Variants in PRRG1 observed in about 807,000 individuals in gnomAD.
PRRG1 encodes proline rich and Gla domain 1.
Under a neutral mutation model 11.8 loss-of-function variants are expected in PRRG1, and 5 were observed. That is an observed-to-expected ratio of 0.42 (90% CI 0.22 to 0.89). The LOEUF (loss-of-function observed/expected upper bound fraction) is 0.89. PRRG1 is among the 40% of genes least tolerant of loss of function. The probability of loss-of-function intolerance (pLI) is 0.28; values close to 1 mark genes in which losing one functional copy is unlikely to be tolerated. For missense variants in PRRG1, 155 were observed against 166.1 expected (o/e 0.93, Z 0.37); for synonymous variants, 66 against 60.4 (o/e 1.09, Z -0.43).
intron 3 of PRRG1, chrX:37,441,443 G>T (rs113541265): frequency 4.0e-6 from 3 of 752,602 alleles, no homozygotes; most frequent in Non-Finnish European, 4.7e-6. Flanking sequence ...GGCCCTTTCC[G>T]CCATTAGCCA....
chrX:37,349,470 G>GT (rs1252053515), intron 1 of PRRG1, 75 bp downstream of exon 1: 1 of 112,687 alleles, frequency 8.9e-6, no homozygotes, highest in Non-Finnish European at 1.9e-5. Context: ...AAGGATTGGG[G>GT]TGTGTGGGGG....
chrX:37,391,055 C>T (rs891370518), intron 1 of PRRG1, among the ~76,000 whole-genome samples: 2 of 111,912 alleles, frequency 1.8e-5, no homozygotes, highest in Non-Finnish European at 3.8e-5. Flanking sequence ...AAAAATGCTC[C>T]TTCATTTTTA....
At chrX:37,403,037 G>A (rs1313032089) in intron 1 of PRRG1, among the ~76,000 whole-genome samples, 1 of 110,287 alleles carries the variant, frequency 9.1e-6, no homozygotes, top group African/African-American at 3.3e-5. Context: ...TGGTGGGACT[G>A]TAAACTAGTT....
chrX:37,430,824 A>G (rs868927150), intron 3 of PRRG1, among the ~76,000 whole-genome samples: 3 of 111,412 alleles, frequency 2.7e-5, no homozygotes, highest in Non-Finnish European at 5.7e-5. Context: ...GATTTGTGTA[A>G]CCATCACTGC....
intron 1 of PRRG1, among the ~76,000 whole-genome samples, chrX:37,402,964 A>C (rs1261489304): frequency 9.9e-5 from 11 of 111,588 alleles, no homozygotes; most frequent in Admixed American, 2.8e-4. Flanking sequence ...GGCAATCATT[A>C]AAAAGTCAGG....
At chrX:37,376,549 G>GTATATATATATATATA (rs1491489103) in intron 1 of PRRG1, among the ~76,000 whole-genome samples, 285 of 16,016 alleles carry the variant, frequency 0.018, 38 homozygotes, top group South Asian at 0.041. Flanking sequence ...AGAAATGTGA[G>GTATATATATATATATA]TGTATATATA....
intron 3 of PRRG1, chrX:37,442,327 C>A: frequency 1.8e-6 from 1 of 542,193 alleles, no homozygotes; most frequent in Non-Finnish European, 2.2e-6. Context: ...TCTCTCCACC[C>A]AGTCCTGTCC....
At chrX:37,429,887 A>G (rs1355730529) in intron 3 of PRRG1, among the ~76,000 whole-genome samples, 1 of 111,948 alleles carries the variant, frequency 8.9e-6, no homozygotes, top group Non-Finnish European at 1.9e-5. Flanking sequence ...CACTTCTTAC[A>G]TGGTGGCAGC....
chrX:37,429,442 A>C (rs1053814889), intron 3 of PRRG1, among the ~76,000 whole-genome samples: 1 of 111,512 alleles, frequency 9.0e-6, no homozygotes, highest in Non-Finnish European at 1.9e-5. Context: ...AAGTTCCACA[A>C]ATCTCTAGGG....
intron 2 of PRRG1, 32 bp from the exon 3 acceptor site, chrX:37,425,808 C>G: frequency 8.9e-7 from 1 of 1,129,422 alleles, no homozygotes. Context: ...CAACTTGCCA[C>G]ATAGGTTTTT....
intron 1 of PRRG1, among the ~76,000 whole-genome samples, chrX:37,360,437 A>G (rs1556367290): frequency 8.9e-6 from 1 of 112,150 alleles, no homozygotes; most frequent in Non-Finnish European, 1.9e-5. Context: ...TATGTAGTTT[A>G]ATCTCTACAT....
chrX:37,448,117 A>G (rs1405173734), intron 3 of PRRG1, among the ~76,000 whole-genome samples: 1 of 112,173 alleles, frequency 8.9e-6, no homozygotes, highest in Admixed American at 9.4e-5. Context: ...TGTGTTGAGC[A>G]AAGAATTGGA....
intron 1 of PRRG1, among the ~76,000 whole-genome samples, chrX:37,371,793 T>C (rs1930769017): frequency 8.8e-6 from 1 of 113,188 alleles, no homozygotes; most frequent in Non-Finnish European, 1.9e-5. Flanking sequence ...GGCTGGACCC[T>C]ATACTTGCTC....
chrX:37,364,828 T>G (rs1233397845), intron 1 of PRRG1, among the ~76,000 whole-genome samples: 2 of 112,016 alleles, frequency 1.8e-5, no homozygotes, highest in Non-Finnish European at 3.8e-5. Flanking sequence ...GCTTCTCTTT[T>G]TTTCCATCAT....
intron 3 of PRRG1, among the ~76,000 whole-genome samples, chrX:37,435,932 A>C (rs1480232515): frequency 8.9e-6 from 1 of 112,181 alleles, no homozygotes; most frequent in Admixed American, 9.4e-5. Flanking sequence ...TAATGTAAGA[A>C]GCTCACATTA....
rs781983159 is a variant in PRRG1 at position 37,395,539 on chromosome X, C to T, written c.-41-10670C>T. Among the ~76,000 whole-genome samples, 23 of 107,456 alleles carry T rather than the reference C, an allele frequency of 2.1e-4. 1 individual carries two copies. Among genetic ancestry groups the T allele is most frequent in the African/African-American group, 5.1e-4 (15 of 29,258 alleles). The allele number at this position is 107,456 out of a possible 115,157, so 93.3% of individuals were successfully genotyped here. The stretch of plus-strand genomic sequence containing the variant: ...CTGAGGCAGGAGAATCGCTTGAACC[C>T]GGGAGGCGGAGGTTGCAGTCAGCTG... On this transcript the variant is annotated intron_variant, in intron 1 of 3. Coordinates refer to ENST00000378628, the MANE Select transcript of PRRG1 (RefSeq NM_001142395.2).
intron 3 of PRRG1, among the ~76,000 whole-genome samples, chrX:37,433,596 G>C (rs5963072): frequency 9.5e-6 from 1 of 105,207 alleles, no homozygotes; most frequent in Non-Finnish European, 2.0e-5. Flanking sequence ...TACCTCCCCC[G>C]CCCCATCAGG....
intron 2 of PRRG1, among the ~76,000 whole-genome samples, chrX:37,423,110 CT>C (rs1932706392): frequency 9.0e-6 from 1 of 110,798 alleles, no homozygotes; most frequent in Admixed American, 9.7e-5. Flanking sequence ...ATTGATGATC[CT>C]GACCCTGTGG....
chrX:37,436,058 G>A (rs1300450954), intron 3 of PRRG1, among the ~76,000 whole-genome samples: 26 of 111,851 alleles, frequency 2.3e-4, no homozygotes, highest in Non-Finnish European at 3.8e-5. Flanking sequence ...CAGTCCAGGG[G>A]TCACAAGTCT....
Sources: gnomAD v4.1 joint callset for allele counts (sites outside exome capture counted in the v4.1 genomes callset) on GRCh38, gnomAD v4.1.1 for gene constraint, MANE v1.5 for transcripts, NCBI Gene and HGNC (gene_info 2026-07-23, HGNC 2026-07-21) for gene names.